FAAH2: variants seen among roughly 807,000 people sequenced by gnomAD.
FAAH2 encodes fatty-acid amide hydrolase 2.
A neutral mutation model predicts 36.9 loss-of-function variants in FAAH2; 60 were observed. The observed-to-expected ratio is 1.63, with a 90% confidence interval of 1.32 to 2.02. The LOEUF (loss-of-function observed/expected upper bound fraction) is 2.02, where lower values mean the gene tolerates loss of function less well. FAAH2 is among the 30% of genes most tolerant of loss of function. The pLI, the probability that FAAH2 is intolerant of heterozygous loss-of-function variation, is 0.00. For synonymous variants in FAAH2, 214 were observed against 143.8 expected (o/e 1.49, Z -3.49); for missense variants, 689 against 397.5 (o/e 1.73, Z -6.23).
chrX:57,376,622 C>T (rs1245110112), intron 5 of FAAH2, among the ~76,000 whole-genome samples: 1 of 111,818 alleles, frequency 8.9e-6, no homozygotes, highest in Non-Finnish European at 1.9e-5. Flanking sequence ...CATACATGTG[C>T]ATGTGTCTTT....
rs1008483704 is a variant in FAAH2 at position 57,440,725 on chromosome X, A to G, written c.1117-6203A>G. Among the ~76,000 whole-genome samples, 5 of 111,550 alleles carry G rather than the reference A, an allele frequency of 4.5e-5. No homozygotes were observed. The Admixed American group carries it at 4.8e-4, about 11-fold the overall frequency. The stretch of plus-strand genomic sequence containing the variant: ...CCAGTTTTTGCCCATTCAATATGAC[A>G]TTGGCTTTGGGTTTGGCATAAATAG... On this transcript the variant is annotated intron_variant, in intron 8 of 10. Transcript: ENST00000374900.
At chrX:57,422,088 A>T (rs769135173) in intron 7 of FAAH2, among the ~76,000 whole-genome samples, 3 of 111,734 alleles carry the variant, frequency 2.7e-5, no homozygotes, top group Non-Finnish European at 3.8e-5. Flanking sequence ...GGAAAAAAAA[A>T]ACATTCTTTT....
intron 8 of FAAH2, among the ~76,000 whole-genome samples, chrX:57,435,496 GA>G (rs1237746883): frequency 2.7e-5 from 3 of 110,115 alleles, no homozygotes; most frequent in Non-Finnish European, 5.7e-5. Context: ...GAAAAGGGTT[GA>G]AAAAAGATAT....
the FAAH2 span, among the ~76,000 whole-genome samples, chrX:57,270,794 C>G: frequency 2.7e-5 from 3 of 111,736 alleles, no homozygotes; most frequent in Admixed American, 2.8e-4. Context: ...AACTCCAGCA[C>G]AGATACTGAG....
Position 57,306,716 on chromosome X carries a change from GTGTGTGTGTGTGTGTA to G in FAAH2, c.276-3875_276-3860del, listed in dbSNP as rs1175248076. 8.7e-4 allele frequency among the ~76,000 whole-genome samples: 63 copies of G among 72,354 alleles called. 1 individual carries two copies. The highest frequency in any genetic ancestry group is 4.0e-3 in the African/African-American group (63 of 15,928). The allele number at this position is 72,354 out of a possible 115,157, so 62.8% of individuals were successfully genotyped here. A position where few individuals can be genotyped will look rare whatever the true frequency, so the allele number is the denominator to read the frequency against. On this transcript the variant is annotated intron_variant, in intron 2 of 10. Transcript: ENST00000374900. ...TGTGTGTGTGTGTGTGTGTGTGTGTGTGTGTGTGTGTGTGTATATATATACACACACACTATATGTA... is the reference window on the plus strand; with the variant it reads ...TGTGTGTGTGTGTGTGTGTGTGTGTGTATATATACACACACACTATATGTA...
intron 10 of FAAH2, among the ~76,000 whole-genome samples, chrX:57,466,156 C>CTCTATATATATATATATA (rs1287266105): frequency 2.7e-4 from 18 of 66,388 alleles, no homozygotes; most frequent in Admixed American, 6.1e-4. Flanking sequence ...CTCTCTCTCT[C>CTCTATATATATATATATA]TATATATATA....
intron 3 of FAAH2, among the ~76,000 whole-genome samples, chrX:57,320,338 C>T (rs1045880257): frequency 9.9e-5 from 11 of 111,409 alleles, no homozygotes; most frequent in Non-Finnish European, 3.8e-5. Flanking sequence ...GACAAACATC[C>T]CCATCAAAAA....
At chrX:57,217,362 A>C in the FAAH2 span, among the ~76,000 whole-genome samples, 1 of 110,672 alleles carries the variant, frequency 9.0e-6, no homozygotes, top group South Asian at 3.8e-4. Flanking sequence ...TGCCTAAGCC[A>C]ATGTCTAGAA....
the FAAH2 span, among the ~76,000 whole-genome samples, chrX:57,174,379 A>G: frequency 3.6e-5 from 4 of 110,980 alleles, no homozygotes; most frequent in African/African-American, 1.3e-4. Context: ...GTGAGCATAG[A>G]GTTGTTCATG....
the FAAH2 span, among the ~76,000 whole-genome samples, chrX:57,151,759 G>T: frequency 9.0e-6 from 1 of 111,488 alleles, no homozygotes; most frequent in African/African-American, 3.3e-5. Flanking sequence ...CTCTCAGCTT[G>T]TCAAAGTCAT....
At chrX:57,165,070 G>A in the FAAH2 span, among the ~76,000 whole-genome samples, 2 of 112,301 alleles carry the variant, frequency 1.8e-5, no homozygotes, top group African/African-American at 6.5e-5. Flanking sequence ...GGAGAAATAG[G>A]AACACTTTTT....
At chrX:57,300,041 T>A (rs1292409129) in intron 2 of FAAH2, among the ~76,000 whole-genome samples, 1 of 111,481 alleles carries the variant, frequency 9.0e-6, no homozygotes, top group Non-Finnish European at 1.9e-5. Context: ...CCAAGGTAAT[T>A]TATAGATTCA....
At chrX:57,433,117 T>G (rs2056339610) in intron 8 of FAAH2, among the ~76,000 whole-genome samples, 2 of 111,524 alleles carry the variant, frequency 1.8e-5, no homozygotes, top group African/African-American at 6.5e-5. Context: ...AATCAGAACT[T>G]TAGATCAAAA....
intron 7 of FAAH2, among the ~76,000 whole-genome samples, chrX:57,431,637 A>G (rs1038802761): frequency 1.8e-5 from 2 of 111,129 alleles, no homozygotes. Context: ...GAGTGGGACA[A>G]GGGCAAGCAG....
the FAAH2 span, among the ~76,000 whole-genome samples, chrX:57,165,621 C>G: frequency 9.1e-6 from 1 of 110,464 alleles, no homozygotes; most frequent in Non-Finnish European, 1.9e-5. Context: ...AGCGCACCAG[C>G]ATGGCACATG....
chrX:57,485,859 G>C (rs1443736718), intron 10 of FAAH2, among the ~76,000 whole-genome samples: 1 of 111,837 alleles, frequency 8.9e-6, no homozygotes, highest in Non-Finnish European at 1.9e-5. Context: ...TTCAGCCTTT[G>C]TAGGTGTTCT....
At chrX:57,377,839 C>G (rs1044363843) in intron 5 of FAAH2, among the ~76,000 whole-genome samples, 5 of 111,886 alleles carry the variant, frequency 4.5e-5, no homozygotes, top group African/African-American at 1.6e-4. Context: ...GTTTGTACTT[C>G]TCCTTGAAGA....
chrX:57,441,788 C>T (rs2056563682), intron 8 of FAAH2, among the ~76,000 whole-genome samples: 2 of 111,317 alleles, frequency 1.8e-5, no homozygotes, highest in South Asian at 7.6e-4. Context: ...AAATGTGTCC[C>T]AGAGATTCTG....
chrX:57,175,715 C>T, the FAAH2 span, among the ~76,000 whole-genome samples: 11 of 111,320 alleles, frequency 9.9e-5, no homozygotes, highest in African/African-American at 2.6e-4. Flanking sequence ...ATTGAACCTC[C>T]GTTTCAAGCT....
Sources: allele counts gnomAD v4.1 joint callset (sites outside exome capture counted in the v4.1 genomes callset), GRCh38; gene constraint gnomAD v4.1.1; transcripts MANE v1.5; gene names NCBI Gene and HGNC (gene_info 2026-07-23, HGNC 2026-07-21).